The following ABTB2 variants were observed in gnomAD, a reference collection of about 807,000 sequenced individuals.
ABTB2 encodes ankyrin repeat and BTB domain containing 2.
Under a neutral mutation model 104.1 loss-of-function variants are expected in ABTB2, and 56 were observed. That is an observed-to-expected ratio of 0.54 (90% CI 0.43 to 0.67). The LOEUF (loss-of-function observed/expected upper bound fraction) is 0.67, where lower values mean the gene tolerates loss of function less well. ABTB2 is among the 30% of genes least tolerant of loss of function. The pLI is 0.00. For missense variants in ABTB2, 1,279 were observed against 1,407.7 expected, an observed-to-expected ratio of 0.91 and a Z score of 1.46; for synonymous variants, 606 against 608.2, an observed-to-expected ratio of 1.00 and a Z score of 0.05.
intron 1 of ABTB2, among the ~76,000 whole-genome samples, chr11:34,215,946 A>G (rs1471224579): frequency 6.6e-6 from 1 of 151,992 alleles, no homozygotes; most frequent in Non-Finnish European, 1.5e-5. Flanking sequence ...ATCCACAGTG[A>G]TTTAAAAAAA....
At chr11:34,284,661 CTG>C (rs936789861) in intron 1 of ABTB2, among the ~76,000 whole-genome samples, 20 of 152,278 alleles carry the variant, frequency 1.3e-4, no homozygotes, top group African/African-American at 4.3e-4. Context: ...GGATGGGTAA[CTG>C]TAACCAGAGA....
chr11:34,235,585 G>A (rs2611095), intron 1 of ABTB2, among the ~76,000 whole-genome samples: 90,217 of 151,914 alleles, frequency 0.59, 27,612 homozygotes, highest in East Asian at 0.76. Flanking sequence ...GAAGGGGAGC[G>A]GGGGAGGTCA....
chr11:34,195,128 T>TATA (rs199618806), intron 3 of ABTB2, among the ~76,000 whole-genome samples: 4,369 of 136,390 alleles, frequency 0.032, 93 homozygotes, highest in Middle Eastern at 0.07. Flanking sequence ...TGACTGCCCC[T>TATA]GGGCCTATAG....
At chr11:34,239,239 A>G (rs1009193130) in intron 1 of ABTB2, among the ~76,000 whole-genome samples, 4 of 152,130 alleles carry the variant, frequency 2.6e-5, no homozygotes, top group African/African-American at 9.7e-5. Flanking sequence ...GCCTTTACGT[A>G]GCGCCTGGGT....
At chr11:34,315,115 C>T (rs1173433642) in intron 1 of ABTB2, among the ~76,000 whole-genome samples, 2 of 152,252 alleles carry the variant, frequency 1.3e-5, no homozygotes, top group Non-Finnish European at 2.9e-5. Flanking sequence ...TCGCGCGAGC[C>T]TGCCTTCTGG....
At chr11:34,237,319 T>C (rs2133060867) in intron 1 of ABTB2, among the ~76,000 whole-genome samples, 1 of 150,228 alleles carries the variant, frequency 6.7e-6, no homozygotes, top group East Asian at 2.0e-4. Flanking sequence ...CTCGCTCTAT[T>C]GCCCAGGCTG....
In ABTB2 at chr11:34,277,533, T is replaced by C. The variant is rs1384131659; in HGVS notation, c.884-72843A>G. Among the ~76,000 whole-genome samples, 7 of 150,850 alleles carry C rather than the reference T, an allele frequency of 4.6e-5. No homozygotes were observed. The South Asian group carries it at 1.3e-3, about 27-fold the overall frequency. On this transcript the variant is annotated intron_variant, in intron 1 of 16. Coordinates refer to ENST00000435224, the MANE Select transcript of ABTB2 (RefSeq NM_145804.3). ...GTACGGTGGCTCATGCCTGTAATCC[T>C]AGCACTTTGGGAGGCCAAGGTGGGT...
intron 1 of ABTB2, among the ~76,000 whole-genome samples, chr11:34,230,241 C>A (rs771308983): frequency 6.6e-6 from 1 of 152,182 alleles, no homozygotes; most frequent in Non-Finnish European, 1.5e-5. Context: ...TCCTTGCCTG[C>A]ACTAACATCC....
Position 34,204,662 on chromosome 11 carries a change from G to A in ABTB2, c.912C>T (p.Ser304=). ...GGCCCAGGGACCCGCCGTTGTAGGGGCTGAAGTATGCGGGGAGGGAGAGGA... is the reference window on the plus strand; with the variant it reads ...GGCCCAGGGACCCGCCGTTGTAGGGACTGAAGTATGCGGGGAGGGAGAGGA... ...NGVLSLPAYF[S]PYNGGSLGHD... Residue 304 remains serine, a synonymous_variant, in exon 2 of 17, where the codon AGC becomes AGT. Transcript: ENST00000435224. 1 of 1,613,944 alleles carries A rather than the reference G, an allele frequency of 6.2e-7. No individual in the cohort carries two copies. Among genetic ancestry groups the A allele is most frequent in the Non-Finnish European group, 8.5e-7 (1 of 1,179,966 alleles).
At chr11:34,337,942 C>G (rs927070341) in intron 1 of ABTB2, among the ~76,000 whole-genome samples, 1 of 152,110 alleles carries the variant, frequency 6.6e-6, no homozygotes, top group African/African-American at 2.4e-5. Flanking sequence ...AAAGACTGGC[C>G]TTTCCCAAAC....
intron 1 of ABTB2, among the ~76,000 whole-genome samples, chr11:34,348,101 T>C (rs1240663565): frequency 6.6e-6 from 1 of 152,176 alleles, no homozygotes; most frequent in Non-Finnish European, 1.5e-5. Context: ...AAAGAAGGGT[T>C]GATAGAAGCC....
intron 1 of ABTB2, among the ~76,000 whole-genome samples, chr11:34,263,656 A>G (rs531970484): frequency 6.6e-6 from 1 of 152,154 alleles, no homozygotes; most frequent in East Asian, 1.9e-4. Flanking sequence ...GTGGGTTAAG[A>G]GTTTCCATTA....
At chr11:34,231,855 C>T (rs1455944036) in intron 1 of ABTB2, among the ~76,000 whole-genome samples, 1 of 152,096 alleles carries the variant, frequency 6.6e-6, no homozygotes, top group African/African-American at 2.4e-5. Flanking sequence ...AACCCTATAA[C>T]CCCACACTAG....
intron 1 of ABTB2, among the ~76,000 whole-genome samples, chr11:34,261,692 T>A (rs1854191057): frequency 6.6e-6 from 1 of 152,190 alleles, no homozygotes; most frequent in Admixed American, 6.5e-5. Context: ...TTAGATCTCA[T>A]GCAATAATGG....
intron 1 of ABTB2, among the ~76,000 whole-genome samples, chr11:34,280,528 G>A (rs1385671641): frequency 6.6e-6 from 1 of 152,052 alleles, no homozygotes; most frequent in Non-Finnish European, 1.5e-5. Context: ...CAGGATAGCT[G>A]TCCTAAGCCT....
At chr11:34,235,948 A>G (rs1403447613) in intron 1 of ABTB2, among the ~76,000 whole-genome samples, 1 of 152,216 alleles carries the variant, frequency 6.6e-6, no homozygotes, top group South Asian at 2.1e-4. Flanking sequence ...TGGTCTGGGC[A>G]AGCACAGCGC....
intron 1 of ABTB2, among the ~76,000 whole-genome samples, chr11:34,234,352 C>T (rs1565147950): frequency 6.6e-6 from 1 of 152,206 alleles, no homozygotes; most frequent in African/African-American, 2.4e-5. Context: ...AGATTCTCCC[C>T]TCCCTGGCCT....
chr11:34,300,537 A>G (rs1360152587), intron 1 of ABTB2, among the ~76,000 whole-genome samples: 2 of 152,194 alleles, frequency 1.3e-5, no homozygotes, highest in Non-Finnish European at 1.5e-5. Flanking sequence ...AATTTGTTTG[A>G]CGATCTACAG....
At chr11:34,217,006 C>T (rs898533547) in intron 1 of ABTB2, among the ~76,000 whole-genome samples, 2 of 152,208 alleles carry the variant, frequency 1.3e-5, no homozygotes, top group Non-Finnish European at 2.9e-5. Flanking sequence ...TTACCAACCT[C>T]ATCCTAGAAA....
Sources: allele counts gnomAD v4.1 joint callset (sites outside exome capture counted in the v4.1 genomes callset), GRCh38; gene constraint gnomAD v4.1.1; transcripts MANE v1.5; gene names NCBI Gene and HGNC (gene_info 2026-07-23, HGNC 2026-07-21).